The following NR3C2 variants were observed in gnomAD, a reference collection of about 807,000 sequenced individuals.
NR3C2 encodes the protein nuclear receptor subfamily 3 group C member 2.
Under a neutral mutation model 86.4 loss-of-function variants are expected in NR3C2, and 15 were observed. The ratio of observed to expected loss-of-function variants is 0.17; its 90% confidence interval spans 0.12 to 0.27. The LOEUF (loss-of-function observed/expected upper bound fraction) is 0.27, where lower values mean the gene tolerates loss of function less well. Among genes scored for constraint, NR3C2 ranks in the 10% least tolerant of loss-of-function variants. The pLI is 1.00. For synonymous variants in NR3C2, 458 were observed against 450.5 expected (o/e 1.02, Z -0.21); for missense variants, 960 against 1,195.6 (o/e 0.80, Z 2.91).
intron 3 of NR3C2, among the ~76,000 whole-genome samples, chr4:148,207,510 GT>G (rs1407477575): frequency 2.0e-5 from 3 of 152,138 alleles, no homozygotes; most frequent in African/African-American, 7.2e-5. Flanking sequence ...AAATAGCTTA[GT>G]TCTTATTTAC....
intron 3 of NR3C2, among the ~76,000 whole-genome samples, chr4:148,217,477 A>C (rs1471836893): frequency 6.6e-6 from 1 of 152,226 alleles, no homozygotes; most frequent in African/African-American, 2.4e-5. Flanking sequence ...CTACTTGTGC[A>C]ATGGAGTCTT....
At chr4:148,336,973 G>A (rs1744524320) in intron 2 of NR3C2, among the ~76,000 whole-genome samples, 1 of 151,842 alleles carries the variant, frequency 6.6e-6, no homozygotes, top group Non-Finnish European at 1.5e-5. Context: ...TTTTACATTT[G>A]TTGTAGAGAT....
At chr4:148,083,327 C>T (rs890916541) in intron 8 of NR3C2, among the ~76,000 whole-genome samples, 1 of 152,144 alleles carries the variant, frequency 6.6e-6, no homozygotes, top group Non-Finnish European at 1.5e-5. Flanking sequence ...TGGCGGGTGC[C>T]CCATTGGGAC....
intron 2 of NR3C2, among the ~76,000 whole-genome samples, chr4:148,324,331 CTGTGTGTGTGTG>C (rs374839889): frequency 7.1e-6 from 1 of 141,808 alleles, no homozygotes; most frequent in African/African-American, 2.7e-5. Flanking sequence ...TAATATTCCT[CTGTGTGTGTGTG>C]TGTGTGTGTG....
In NR3C2 at chr4:148,080,682, CAATA is replaced by C. The variant is rs1730502790; in HGVS notation, c.*658_*661del. On this transcript the variant is annotated 3_prime_UTR_variant, in exon 9 of 9. Coordinates refer to ENST00000358102, the MANE Select transcript of NR3C2 (RefSeq NM_000901.5). ...CAAAAAATTATTTGTAAAGCCAACA[CAATA>C]GATACTAGAAATCAAACCAAGGCAT... is the stretch of plus-strand genomic sequence containing the variant. 3.9e-6 allele frequency: 1 copy of C among 255,230 alleles called. No homozygotes were observed. The highest frequency in any genetic ancestry group is 4.5e-4 in the Middle Eastern group (1 of 2,234). The allele number at this position is 255,230 out of a possible 1,614,324, so 15.8% of individuals were successfully genotyped here. A position where few individuals can be genotyped will look rare whatever the true frequency, so the allele number is the denominator to read the frequency against.
At chr4:148,311,060 T>G (rs1161952485) in intron 2 of NR3C2, among the ~76,000 whole-genome samples, 1 of 152,162 alleles carries the variant, frequency 6.6e-6, no homozygotes, top group East Asian at 1.9e-4. Flanking sequence ...TGAAATATGT[T>G]CTTTGTTTGC....
At chr4:148,204,433 C>G (rs1376676372) in intron 3 of NR3C2, among the ~76,000 whole-genome samples, 1 of 152,164 alleles carries the variant, frequency 6.6e-6, no homozygotes, top group Non-Finnish European at 1.5e-5. Flanking sequence ...TATTATGTGA[C>G]AGGTGCTTTA....
At chr4:148,407,243 T>C (rs1748471460) in intron 2 of NR3C2, among the ~76,000 whole-genome samples, 1 of 152,152 alleles carries the variant, frequency 6.6e-6, no homozygotes, top group African/African-American at 2.4e-5. Flanking sequence ...AAGTCACAGA[T>C]TGTTAGGAAG....
intron 8 of NR3C2, among the ~76,000 whole-genome samples, chr4:148,094,966 A>G (rs1731217639): frequency 6.6e-6 from 1 of 152,222 alleles, no homozygotes; most frequent in Admixed American, 6.5e-5. Context: ...ATACTATATG[A>G]TTCCACTTAC....
At position 148,362,254 on chromosome 4, in the gene NR3C2, T is replaced by A. The variant is rs117950105; in HGVS notation, c.1757+72850A>T. Among the ~76,000 whole-genome samples the A allele has an allele frequency of 1.4e-3, 209 of 152,324 alleles. 7 individuals are homozygous for A. The East Asian group carries it at 0.038, about 28-fold the overall frequency. On this transcript the variant is annotated intron_variant, in intron 2 of 8. Transcript: ENST00000358102. ...AAGAGAAATAAGTTCTAGTGTTCTG[T>A]ACCATTTTAGGATGACTACAGTTAA...
intron 2 of NR3C2, among the ~76,000 whole-genome samples, chr4:148,387,816 G>A (rs1256305195): frequency 6.6e-6 from 1 of 152,176 alleles, no homozygotes; most frequent in African/African-American, 2.4e-5. Context: ...TTTCCCAGAA[G>A]GATATGTTTT....
chr4:148,335,167 G>A (rs907939762), intron 2 of NR3C2, among the ~76,000 whole-genome samples: 41 of 152,168 alleles, frequency 2.7e-4, no homozygotes, highest in African/African-American at 9.4e-4. Context: ...AGGAGTCAGG[G>A]TGGGAGAAGA....
intron 2 of NR3C2, among the ~76,000 whole-genome samples, chr4:148,308,590 G>A (rs1742754797): frequency 6.6e-6 from 1 of 152,158 alleles, no homozygotes; most frequent in African/African-American, 2.4e-5. Flanking sequence ...AGGGTATGGG[G>A]AAGGGGGCAA....
chr4:148,200,012 A>G (rs1736640092), intron 3 of NR3C2, among the ~76,000 whole-genome samples: 1 of 152,248 alleles, frequency 6.6e-6, no homozygotes, highest in African/African-American at 2.4e-5. Context: ...GGAATGTTCT[A>G]GAGAAATGTT....
At chr4:148,267,962 C>T (rs1169258289) in intron 2 of NR3C2, among the ~76,000 whole-genome samples, 3 of 123,298 alleles carry the variant, frequency 2.4e-5, no homozygotes, top group Non-Finnish European at 3.3e-5. Flanking sequence ...TTTTTTGAGA[C>T]GGAGTCTTGC....
chr4:148,096,293 A>G (rs909364718), intron 8 of NR3C2, among the ~76,000 whole-genome samples: 1 of 152,208 alleles, frequency 6.6e-6, no homozygotes, highest in Non-Finnish European at 1.5e-5. Flanking sequence ...CTGTATATAG[A>G]AGTATGAACT....
At chr4:148,104,968 A>G (rs1033424236) in intron 8 of NR3C2, among the ~76,000 whole-genome samples, 1 of 152,322 alleles carries the variant, frequency 6.6e-6, no homozygotes, top group Middle Eastern at 3.4e-3. Context: ...GAAAGATATA[A>G]GACAGAATAA....
chr4:148,430,676 T>A (rs1358495196), intron 2 of NR3C2, among the ~76,000 whole-genome samples: 1 of 151,726 alleles, frequency 6.6e-6, no homozygotes. Flanking sequence ...ACCAATACAC[T>A]CTCTCTCTCT....
At chr4:148,193,069 G>A (rs1038371546) in intron 4 of NR3C2, among the ~76,000 whole-genome samples, 4 of 152,206 alleles carry the variant, frequency 2.6e-5, no homozygotes, top group African/African-American at 7.2e-5. Flanking sequence ...TTTACCCCCT[G>A]CTCCTCTGGC....
Sources: allele counts gnomAD v4.1 joint callset (sites outside exome capture counted in the v4.1 genomes callset), GRCh38; gene constraint gnomAD v4.1.1; transcripts MANE v1.5; gene names NCBI Gene and HGNC (gene_info 2026-07-23, HGNC 2026-07-21).